Variants in FMO5 observed in about 807,000 individuals in gnomAD.
FMO5 encodes the protein flavin containing dimethylaniline monoxygenase 5.
FMO5 carries 51 observed loss-of-function variants against 43.6 expected under a neutral mutation model. The ratio of observed to expected loss-of-function variants is 1.17; its 90% CI spans 0.93 to 1.48. FMO5 has a LOEUF of 1.48. Among genes scored for constraint, FMO5 ranks in the 40% most tolerant of loss-of-function variants. FMO5 has a pLI of 0.00. For missense variants in FMO5, 644 were observed against 643.0 expected, an observed-to-expected ratio of 1.00 and a Z score of -0.02; for synonymous variants, 187 against 216.5, an observed-to-expected ratio of 0.86 and a Z score of 1.20.
intron 6 of FMO5, 27 bp downstream of exon 6, chr1:147,208,825 C>T (rs782053886): frequency 1.3e-6 from 2 of 1,593,628 alleles, no homozygotes; most frequent in South Asian, 2.2e-5. Context: ...TGGCCACTAT[C>T]CCTGCACTCC....
At chr1:147,209,266 G>A (rs28381195) in intron 5 of FMO5, among the ~76,000 whole-genome samples, 3,686 of 151,964 alleles carry the variant, frequency 0.024, 68 homozygotes, top group South Asian at 0.093. Flanking sequence ...GAAAAACCCC[G>A]TCTCTACTAA....
At chr1:147,216,219 G>A (rs894473) in intron 2 of FMO5, among the ~76,000 whole-genome samples, 6,706 of 152,178 alleles carry the variant, frequency 0.044, 170 homozygotes, top group African/African-American at 0.072. Flanking sequence ...CAGAAAGCTC[G>A]CTCTGGTAGA....
At chr1:147,221,486 A>G (rs1663002643) in intron 2 of FMO5, among the ~76,000 whole-genome samples, 1 of 152,238 alleles carries the variant, frequency 6.6e-6, no homozygotes, top group African/African-American at 2.4e-5. Flanking sequence ...TAATTAAGGT[A>G]AATTAATGAA....
At chr1:147,212,058 A>G (rs1300592951) in intron 5 of FMO5, among the ~76,000 whole-genome samples, 2 of 152,196 alleles carry the variant, frequency 1.3e-5, no homozygotes, top group Non-Finnish European at 2.9e-5. Context: ...ACTGCTTTCT[A>G]ACAACCTCTC....
chr1:147,225,788 G>A (rs1449158158), upstream of FMO5: 2 of 152,214 alleles, frequency 1.3e-5, no homozygotes, highest in African/African-American at 4.8e-5. Flanking sequence ...AAACTCCTCA[G>A]ACACCGAATT....
intron 4 of FMO5, 75 bp downstream of exon 4, chr1:147,213,233 C>G (rs945772233): frequency 1.6e-6 from 2 of 1,247,718 alleles, no homozygotes; most frequent in Admixed American, 4.9e-5. Flanking sequence ...ATTACTCAGA[C>G]CACAATCCTC....
intron 8 of FMO5, among the ~76,000 whole-genome samples, chr1:147,188,132 A>T (rs1317753560): frequency 6.6e-6 from 1 of 152,192 alleles, no homozygotes; most frequent in Non-Finnish European, 1.5e-5. Flanking sequence ...AAGGTAAAAC[A>T]GTAAAGAATT....
chr1:147,220,955 A>AC (rs1662903398), intron 2 of FMO5, among the ~76,000 whole-genome samples: 1 of 151,810 alleles, frequency 6.6e-6, no homozygotes, highest in Non-Finnish European at 1.5e-5. Flanking sequence ...AAAAAAAAAA[A>AC]AAAACAGTGG....
intron 7 of FMO5, among the ~76,000 whole-genome samples, chr1:147,190,661 G>A (rs1656545537): frequency 2.6e-5 from 4 of 151,936 alleles, no homozygotes; most frequent in Admixed American, 1.3e-4. Context: ...TCAACAGAAA[G>A]AGAATGAAGT....
chr1:147,204,396 C>A, intron 6 of FMO5: 1 of 1,108,788 alleles, frequency 9.0e-7, no homozygotes, highest in South Asian at 1.2e-5. Context: ...TAAGCTTGGC[C>A]AGAAATACTT....
intron 2 of FMO5, among the ~76,000 whole-genome samples, chr1:147,219,434 C>A (rs941722351): frequency 1.3e-5 from 2 of 152,094 alleles, no homozygotes; most frequent in Non-Finnish European, 2.9e-5. Context: ...GTACAACACC[C>A]ATTCATGATG....
At chr1:147,219,849 T>TC (rs1457273293) in intron 2 of FMO5, among the ~76,000 whole-genome samples, 1 of 150,046 alleles carries the variant, frequency 6.7e-6, no homozygotes, top group East Asian at 1.9e-4. Context: ...GCTTTTTTTT[T>TC]TTTTTTTGAG....
At chr1:147,199,079 C>T (rs1553920364) in intron 7 of FMO5, among the ~76,000 whole-genome samples, 1 of 152,020 alleles carries the variant, frequency 6.6e-6, no homozygotes, top group Admixed American at 6.6e-5. Context: ...TGTTTCATTT[C>T]AGTCAAGGCA....
chr1:147,204,181 T>G, intron 6 of FMO5: 1 of 1,348,142 alleles, frequency 7.4e-7, no homozygotes, highest in Admixed American at 1.7e-5. Flanking sequence ...CCTTAGTTTC[T>G]GTTATCATGC....
chr1:147,218,229 T>C (rs1466620572), intron 2 of FMO5, among the ~76,000 whole-genome samples: 1 of 133,378 alleles, frequency 7.5e-6, no homozygotes, highest in African/African-American at 2.9e-5. Context: ...AATTATAGTA[T>C]CTCAACATGC....
intron 6 of FMO5, among the ~76,000 whole-genome samples, chr1:147,206,438 A>T (rs1394587011): frequency 1.3e-5 from 2 of 152,366 alleles, no homozygotes; most frequent in Admixed American, 6.5e-5. Context: ...ATTATAAATC[A>T]TGATGCTATA....
chr1:147,226,950 A>T (rs1298943352), upstream of FMO5, among the ~76,000 whole-genome samples: 5 of 151,278 alleles, frequency 3.3e-5, no homozygotes, highest in African/African-American at 1.2e-4. Context: ...CTCCCACCTC[A>T]GCCTTCTGAG....
At position 147,209,046 on chromosome 1, in the gene FMO5, GA is replaced by G. The variant is rs782730249; in HGVS notation, c.635del (p.Phe212SerfsTer11). 11 of 1,613,216 alleles carry G rather than the reference GA, an allele frequency of 6.8e-6. No homozygotes were observed. The highest frequency in any genetic ancestry group is 8.5e-6 in the Non-Finnish European group (10 of 1,179,548). On this transcript the variant is annotated frameshift_variant, in exon 6 of 9. Coordinates refer to ENST00000254090, the MANE Select transcript of FMO5 (RefSeq NM_001461.4). LOFTEE classifies it high-confidence loss of function. ...TCCAAGCCCCTCTCCTGGTGCTGAGGAAAACCTGGGGCATGGAAGAAATTGT... is the reference window on the plus strand; with the variant it reads ...TCCAAGCCCCTCTCCTGGTGCTGAGGAAACCTGGGGCATGGAAGAAATTGT... ...VEISQTAKQV[F>X]LSTRRGAWIL...
rs1661417138 is a variant in FMO5 at position 147,213,469 on chromosome 1, G to A, written c.326C>T (p.Thr109Ile). 6.3e-7 allele frequency: 1 copy of A among 1,598,314 alleles called. No homozygotes were observed. The highest frequency in any genetic ancestry group is 8.5e-7 in the Non-Finnish European group (1 of 1,172,552). ...FDLLKYIRFK[T>I]TVCSVKKQPD... ...CTGCTTCTTCACACTGCACACAGTG[G>A]TCTGAAAAGAAAAGTGATAACCACA... The change falls in exon 4 of 9, where the codon ACC (threonine) becomes ATC (isoleucine). Residue 109 changes from threonine to isoleucine, a missense_variant and splice_region_variant. Thr to Ile is a moderately conservative substitution (Grantham distance 89). Coordinates refer to ENST00000254090, the MANE Select transcript of FMO5 (RefSeq NM_001461.4).
Sources: gnomAD v4.1 joint callset for allele counts (sites outside exome capture counted in the v4.1 genomes callset) on GRCh38, gnomAD v4.1.1 for gene constraint, MANE v1.5 for transcripts, NCBI Gene and HGNC (gene_info 2026-07-23, HGNC 2026-07-21) for gene names.